MACROD2: variants seen among roughly 807,000 people sequenced by gnomAD.
MACROD2 encodes ADP-ribose glycohydrolase MACROD2.
Under a neutral mutation model 70.4 loss-of-function variants are expected in MACROD2, and 36 were observed. The observed-to-expected ratio is 0.51, with a 90% confidence interval of 0.39 to 0.68. The LOEUF (loss-of-function observed/expected upper bound fraction) is 0.68. Among genes scored for constraint, MACROD2 ranks in the 30% least tolerant of loss-of-function variants. MACROD2 has a pLI of 0.00. For synonymous variants in MACROD2, 172 were observed against 178.8 expected, an observed-to-expected ratio of 0.96 and a Z score of 0.30; for missense variants, 496 against 538.4, an observed-to-expected ratio of 0.92 and a Z score of 0.78.
At chr20:15,364,047 G>C (rs1350092352) in intron 6 of MACROD2, among the ~76,000 whole-genome samples, 1 of 152,122 alleles carries the variant, frequency 6.6e-6, no homozygotes, top group African/African-American at 2.4e-5. Context: ...GATACATTTA[G>C]ATGTATTTGG....
chr20:14,100,101 T>C (rs1303291305), intron 3 of MACROD2, among the ~76,000 whole-genome samples: 2 of 152,068 alleles, frequency 1.3e-5, no homozygotes, highest in Non-Finnish European at 2.9e-5. Flanking sequence ...AAATAAACCA[T>C]TGTATTATGA....
At chr20:15,434,668 GTATT>G (rs1236516913) in intron 7 of MACROD2, among the ~76,000 whole-genome samples, 1 of 152,128 alleles carries the variant, frequency 6.6e-6, no homozygotes, top group Non-Finnish European at 1.5e-5. Flanking sequence ...CCACTACTGA[GTATT>G]TATCCAGAGG....
At chr20:14,338,373 T>C (rs760455434) in intron 3 of MACROD2, among the ~76,000 whole-genome samples, 3 of 152,098 alleles carry the variant, frequency 2.0e-5, no homozygotes. Flanking sequence ...ATCTCCAATA[T>C]ATGTATATAT....
intron 6 of MACROD2, among the ~76,000 whole-genome samples, chr20:15,335,826 G>GCCA (rs1323570387): frequency 6.6e-6 from 1 of 151,632 alleles, no homozygotes; most frequent in Admixed American, 6.6e-5. Flanking sequence ...AGTTGTTGAT[G>GCCA]CCAAGCCCAA....
At chr20:16,020,320 C>T (rs1360770020) in intron 15 of MACROD2, among the ~76,000 whole-genome samples, 5 of 152,072 alleles carry the variant, frequency 3.3e-5, no homozygotes, top group East Asian at 3.8e-4. Flanking sequence ...TGGTCCTTTG[C>T]TCCTGGCCAT....
intron 3 of MACROD2, among the ~76,000 whole-genome samples, chr20:14,129,744 C>T (rs892503464): frequency 2.0e-5 from 3 of 152,146 alleles, no homozygotes; most frequent in African/African-American, 4.8e-5. Flanking sequence ...CGGTCAGTAG[C>T]CATCAACATC....
At chr20:14,977,796 A>G (rs1047812501) in intron 5 of MACROD2, among the ~76,000 whole-genome samples, 3 of 152,128 alleles carry the variant, frequency 2.0e-5, no homozygotes, top group Non-Finnish European at 4.4e-5. Context: ...TGGGAAGCCT[A>G]ATGTGGGGAG....
chr20:15,562,859 C>A (rs1466274991), intron 8 of MACROD2, among the ~76,000 whole-genome samples: 2 of 152,076 alleles, frequency 1.3e-5, no homozygotes, highest in African/African-American at 4.8e-5. Context: ...TGGGGATGAT[C>A]CTTAGAAAGG....
intron 8 of MACROD2, among the ~76,000 whole-genome samples, chr20:15,600,100 T>C (rs2048798912): frequency 6.6e-6 from 1 of 152,128 alleles, no homozygotes; most frequent in African/African-American, 2.4e-5. Flanking sequence ...TGCAAGTGGT[T>C]AATAGCCACT....
intron 8 of MACROD2, among the ~76,000 whole-genome samples, chr20:15,598,843 A>G (rs2048779544): frequency 1.3e-5 from 2 of 152,212 alleles, no homozygotes; most frequent in Non-Finnish European, 2.9e-5. Context: ...TAAATATCAC[A>G]TGGAAATTCA....
intron 7 of MACROD2, among the ~76,000 whole-genome samples, chr20:15,498,375 C>G (rs374627476): frequency 3.9e-5 from 6 of 152,264 alleles, no homozygotes; most frequent in South Asian, 4.1e-4. Flanking sequence ...AGTCTTGGTT[C>G]TCTCCATTTC....
intron 5 of MACROD2, among the ~76,000 whole-genome samples, chr20:15,163,878 T>G (rs1053797606): frequency 6.6e-6 from 1 of 152,110 alleles, no homozygotes; most frequent in Non-Finnish European, 1.5e-5. Flanking sequence ...CAATAAATAT[T>G]TATCAAAACC....
chr20:15,575,476 TAAGCC>T (rs2048434051), intron 8 of MACROD2, among the ~76,000 whole-genome samples: 1 of 152,150 alleles, frequency 6.6e-6, no homozygotes, highest in Non-Finnish European at 1.5e-5. Flanking sequence ...GACCTAGGGC[TAAGCC>T]AGAGATCTTA....
rs141936167 is a variant in MACROD2 at position 15,944,941 on chromosome 20, C to T, written c.907+7397C>T. ...TTTTTCTCTTTTTGTTGCTTATGTACTCCTCACCATTCAATCACTCAGAGA... is the reference window on the plus strand; with the variant it reads ...TTTTTCTCTTTTTGTTGCTTATGTATTCCTCACCATTCAATCACTCAGAGA... On this transcript the variant is annotated intron_variant, in intron 12 of 17. Transcript: ENST00000684519. Among the ~76,000 whole-genome samples, 5 of 152,122 alleles carry T rather than the reference C, an allele frequency of 3.3e-5. No individual in the cohort carries two copies. The East Asian group carries it at 9.6e-4, about 29-fold the overall frequency.
chr20:14,583,924 A>G (rs1240732354), intron 4 of MACROD2, among the ~76,000 whole-genome samples: 2 of 152,272 alleles, frequency 1.3e-5, no homozygotes, highest in African/African-American at 4.8e-5. Flanking sequence ...TACCATAGGC[A>G]TGATCAATCC....
chr20:15,639,982 G>T (rs575086085), intron 8 of MACROD2, among the ~76,000 whole-genome samples: 62 of 149,986 alleles, frequency 4.1e-4, no homozygotes, highest in African/African-American at 1.3e-3. Flanking sequence ...AAAGAAAGAG[G>T]GGGTGAGAGA....
chr20:15,570,097 A>G (rs2048357590), intron 8 of MACROD2, among the ~76,000 whole-genome samples: 1 of 152,190 alleles, frequency 6.6e-6, no homozygotes, highest in South Asian at 2.1e-4. Flanking sequence ...AATTTGTATA[A>G]TATATGAAAC....
Position 14,774,193 on chromosome 20 carries a change from G to A in MACROD2, c.418+89234G>A, listed in dbSNP as rs1336487926. ...AAAACGGCAGCATTAAAGAGTGTCA[G>A]CTCTTATATGTATATGCTTTTTAGG... On this transcript the variant is annotated intron_variant, in intron 5 of 17. Transcript: ENST00000684519. 2.0e-5 allele frequency among the ~76,000 whole-genome samples: 3 copies of A among 152,102 alleles called. No individual in the cohort carries two copies. The East Asian group carries it at 5.8e-4, about 29-fold the overall frequency.
intron 5 of MACROD2, among the ~76,000 whole-genome samples, chr20:14,898,203 C>T (rs1249059874): frequency 6.6e-6 from 1 of 151,962 alleles, no homozygotes; most frequent in Non-Finnish European, 1.5e-5. Context: ...TAACTTATTA[C>T]CTCAGGTTAG....
Sources: allele counts gnomAD v4.1 joint callset (sites outside exome capture counted in the v4.1 genomes callset), GRCh38; gene constraint gnomAD v4.1.1; transcripts MANE v1.5; gene names NCBI Gene and HGNC (gene_info 2026-07-23, HGNC 2026-07-21).